AK4: variants seen among roughly 807,000 people sequenced by gnomAD.
AK4 encodes the protein adenylate kinase 4.
In AK4, 13 loss-of-function variants were observed where a neutral mutation model predicts 24.6. The observed-to-expected ratio is 0.53, with a 90% CI of 0.34 to 0.84. AK4 has a LOEUF of 0.84. Among genes scored for constraint, AK4 ranks in the 40% least tolerant of loss-of-function variants. AK4 has a pLI of 0.01. For synonymous variants in AK4, 88 were observed against 107.0 expected (o/e 0.82, Z 1.10); for missense variants, 192 against 288.2 (o/e 0.67, Z 2.42).
intron 1 of AK4, among the ~76,000 whole-genome samples, chr1:65,186,790 A>G (rs954921185): frequency 2.6e-5 from 4 of 152,100 alleles, no homozygotes; most frequent in Admixed American, 2.0e-4. Context: ...GATTGTTTAG[A>G]CCTAGAACAT....
At chr1:65,215,876 GTTCTT>G (rs1445941591) in intron 2 of AK4, among the ~76,000 whole-genome samples, 4 of 152,246 alleles carry the variant, frequency 2.6e-5, no homozygotes, top group African/African-American at 4.8e-5. Flanking sequence ...AGAGCTTCCT[GTTCTT>G]TTCTTTTCTA....
intron 1 of AK4, among the ~76,000 whole-genome samples, chr1:65,161,595 A>C (rs900031248): frequency 6.6e-6 from 1 of 152,156 alleles, no homozygotes; most frequent in South Asian, 2.1e-4. Context: ...TTTCTTCTCT[A>C]AAATTCTCTC....
chr1:65,214,673 G>A (rs534651267), intron 2 of AK4, among the ~76,000 whole-genome samples: 1 of 152,246 alleles, frequency 6.6e-6, no homozygotes, highest in African/African-American at 2.4e-5. Flanking sequence ...TTTTGAAATA[G>A]TGAGTGGCAC....
chr1:65,204,759 T>A (rs1651765617), intron 2 of AK4, among the ~76,000 whole-genome samples: 1 of 152,204 alleles, frequency 6.6e-6, no homozygotes, highest in Admixed American at 6.5e-5. Flanking sequence ...TTACCCTTCA[T>A]CTCTCCCAGT....
intron 1 of AK4, among the ~76,000 whole-genome samples, chr1:65,150,107 G>A (rs1227655127): frequency 6.6e-6 from 1 of 152,046 alleles, no homozygotes. Context: ...ACCTTACTTG[G>A]TGACTTGTTT....
At chr1:65,186,013 A>G (rs1302444734) in intron 1 of AK4, among the ~76,000 whole-genome samples, 1 of 152,208 alleles carries the variant, frequency 6.6e-6, no homozygotes, top group Non-Finnish European at 1.5e-5. Context: ...TGATTTTGGG[A>G]TAATGGTTCT....
intron 3 of AK4, among the ~76,000 whole-genome samples, chr1:65,224,221 C>T (rs1652384596): frequency 6.6e-6 from 1 of 151,918 alleles, no homozygotes; most frequent in South Asian, 2.1e-4. Context: ...ATTATTTGAT[C>T]TAGTAAAATA....
intron 1 of AK4, among the ~76,000 whole-genome samples, chr1:65,172,132 T>TATATA (rs1466283158): frequency 1.5e-5 from 2 of 136,610 alleles, no homozygotes; most frequent in Non-Finnish European, 3.2e-5. Context: ...CCCAAATATA[T>TATATA]ATATATTTGG....
intron 2 of AK4, among the ~76,000 whole-genome samples, chr1:65,208,027 T>C (rs1346506525): frequency 6.6e-6 from 1 of 152,220 alleles, no homozygotes. Flanking sequence ...TGTGTCTTTT[T>C]GGTAGAACAA....
At chr1:65,196,192 G>A (rs576075851) in intron 2 of AK4, among the ~76,000 whole-genome samples, 10 of 152,236 alleles carry the variant, frequency 6.6e-5, no homozygotes, top group African/African-American at 1.7e-4. Context: ...CCTGTTGAGC[G>A]TGCTAAAGGT....
chr1:65,169,411 AG>A (rs1650438330), intron 1 of AK4, among the ~76,000 whole-genome samples: 1 of 152,178 alleles, frequency 6.6e-6, no homozygotes, highest in African/African-American at 2.4e-5. Flanking sequence ...GTTGTATTTA[AG>A]AGTGTAGGCT....
In AK4 at chr1:65,148,269, CCCCTG is replaced by C. The variant is rs1649632688; in HGVS notation, c.-138_-134del. 7.9e-7 allele frequency: 1 copy of C among 1,264,768 alleles called. No individual in the cohort carries two copies. Among genetic ancestry groups the C allele is most frequent in the Non-Finnish European group, 1.1e-6 (1 of 941,942 alleles). The allele number at this position is 1,264,768 out of a possible 1,614,324, so 78.3% of individuals were successfully genotyped here. A position where few individuals can be genotyped will look rare whatever the true frequency, so the allele number is the denominator to read the frequency against. Reference sequence around the variant, plus strand: ...GGGTTGTCTTAAAAGTCTCTCCTTCCCCCTGTAGGGGCGGCCGGCGAGTCCCAGTG... The same window carrying C: ...GGGTTGTCTTAAAAGTCTCTCCTTCCTAGGGGCGGCCGGCGAGTCCCAGTG... On this transcript the variant is annotated 5_prime_UTR_variant, in exon 1 of 5. Transcript: ENST00000327299.
chr1:65,181,445 G>A (rs1650904586), intron 1 of AK4, among the ~76,000 whole-genome samples: 1 of 150,362 alleles, frequency 6.7e-6, no homozygotes, highest in Non-Finnish European at 1.5e-5. Context: ...TGCCCAGACT[G>A]GAATGCAATG....
intron 1 of AK4, among the ~76,000 whole-genome samples, chr1:65,150,961 C>CT (rs895161642): frequency 1.1e-4 from 17 of 149,966 alleles, no homozygotes; most frequent in South Asian, 4.3e-4. Flanking sequence ...CTGCACATAA[C>CT]TTTTTTTTTT....
At chr1:65,178,311 C>T (rs574383693) in intron 1 of AK4, among the ~76,000 whole-genome samples, 1 of 152,258 alleles carries the variant, frequency 6.6e-6, no homozygotes, top group South Asian at 2.1e-4. Flanking sequence ...AAATCGTGGC[C>T]TGTTGAGGGG....
intron 2 of AK4, among the ~76,000 whole-genome samples, chr1:65,212,139 A>G (rs972868991): frequency 3.3e-5 from 5 of 152,180 alleles, no homozygotes; most frequent in African/African-American, 9.7e-5. Flanking sequence ...CCAGATGGGT[A>G]GGCCTTTGCA....
At chr1:65,192,575 C>T (rs1042410295) in intron 2 of AK4, among the ~76,000 whole-genome samples, 1 of 152,156 alleles carries the variant, frequency 6.6e-6, no homozygotes, top group Non-Finnish European at 1.5e-5. Flanking sequence ...TCATTCTATC[C>T]TATTAGCCCC....
chr1:65,159,411 C>T (rs1273525777), intron 1 of AK4, among the ~76,000 whole-genome samples: 2 of 152,248 alleles, frequency 1.3e-5, no homozygotes, highest in Admixed American at 6.5e-5. Context: ...TAACCCAGCA[C>T]TTTGGGAGGC....
chr1:65,213,938 C>T (rs752008116), intron 2 of AK4, among the ~76,000 whole-genome samples: 32 of 152,114 alleles, frequency 2.1e-4, no homozygotes, highest in Non-Finnish European at 3.8e-4. Flanking sequence ...GAGTGAAGAC[C>T]ATGTGAAGGC....
Sources: gnomAD v4.1 joint callset for allele counts (sites outside exome capture counted in the v4.1 genomes callset) on GRCh38, gnomAD v4.1.1 for gene constraint, MANE v1.5 for transcripts, NCBI Gene and HGNC (gene_info 2026-07-23, HGNC 2026-07-21) for gene names.